RPS6KC1: variants seen among roughly 807,000 people sequenced by gnomAD.
RPS6KC1 encodes the protein ribosomal protein S6 kinase C1.
A neutral mutation model predicts 103.8 loss-of-function variants in RPS6KC1; 54 were observed. That is an observed-to-expected ratio of 0.52 (90% CI 0.42 to 0.65). The LOEUF (loss-of-function observed/expected upper bound fraction) is 0.65. RPS6KC1 is among the 30% of genes least tolerant of loss of function. The pLI, the probability that RPS6KC1 is intolerant of heterozygous loss-of-function variation, is 0.00. For synonymous variants in RPS6KC1, 439 were observed against 438.7 expected, an observed-to-expected ratio of 1.00 and a Z score of -0.01; for missense variants, 1,151 against 1,253.8, an observed-to-expected ratio of 0.92 and a Z score of 1.24.
the RPS6KC1 span, among the ~76,000 whole-genome samples, chr1:213,741,793 G>A: frequency 2.2e-4 from 33 of 152,252 alleles, no homozygotes; most frequent in East Asian, 3.9e-4. Context: ...TCTGAGGGTC[G>A]GGGTGGGAAG....
chr1:213,629,493 G>T, the RPS6KC1 span, among the ~76,000 whole-genome samples: 1 of 152,116 alleles, frequency 6.6e-6, no homozygotes, highest in Non-Finnish European at 1.5e-5. Context: ...ATGTGAGATG[G>T]GTTTCCTGAA....
At chr1:213,111,337 C>G (rs1277020170) in intron 4 of RPS6KC1, among the ~76,000 whole-genome samples, 2 of 152,050 alleles carry the variant, frequency 1.3e-5, no homozygotes, top group Non-Finnish European at 2.9e-5. Context: ...CCCAAAATTT[C>G]TATGAAATTT....
At chr1:213,418,679 G>T in the RPS6KC1 span, among the ~76,000 whole-genome samples, 3 of 152,306 alleles carry the variant, frequency 2.0e-5, no homozygotes, top group African/African-American at 4.8e-5. Flanking sequence ...TTCACACGCC[G>T]ATCTCCAGGG....
At chr1:213,704,408 A>C in the RPS6KC1 span, among the ~76,000 whole-genome samples, 5 of 151,140 alleles carry the variant, frequency 3.3e-5, no homozygotes, top group South Asian at 2.1e-4. Flanking sequence ...AAAAAAAAAA[A>C]AAAACTCTGA....
the RPS6KC1 span, among the ~76,000 whole-genome samples, chr1:213,853,387 G>A: frequency 6.6e-6 from 1 of 152,132 alleles, no homozygotes. Context: ...TAACCCCTTT[G>A]AGCCCCAAAT....
At chr1:213,566,321 T>A in the RPS6KC1 span, among the ~76,000 whole-genome samples, 5 of 152,032 alleles carry the variant, frequency 3.3e-5, no homozygotes, top group African/African-American at 1.2e-4. Context: ...ATTGAACATC[T>A]TTTCTTTGCT....
chr1:213,666,776 T>C, the RPS6KC1 span, among the ~76,000 whole-genome samples: 1 of 152,236 alleles, frequency 6.6e-6, no homozygotes, highest in Non-Finnish European at 1.5e-5. Context: ...TAAGCTGTCC[T>C]CTTAAGCTCA....
chr1:213,374,466 G>C, the RPS6KC1 span, among the ~76,000 whole-genome samples: 1 of 151,966 alleles, frequency 6.6e-6, no homozygotes, highest in East Asian at 1.9e-4. Context: ...AATTGAGGGG[G>C]ATTCATTAGG....
chr1:213,841,894 G>C, the RPS6KC1 span, among the ~76,000 whole-genome samples: 1 of 152,172 alleles, frequency 6.6e-6, no homozygotes, highest in East Asian at 1.9e-4. Context: ...CCTGGCCTCA[G>C]TCTGTCCTTC....
the RPS6KC1 span, among the ~76,000 whole-genome samples, chr1:213,604,442 G>T: frequency 6.6e-6 from 1 of 152,208 alleles, no homozygotes; most frequent in African/African-American, 2.4e-5. Context: ...TCAATAAACT[G>T]CACCCTCTCA....
At chr1:213,368,994 A>G in the RPS6KC1 span, among the ~76,000 whole-genome samples, 1 of 151,768 alleles carries the variant, frequency 6.6e-6, no homozygotes, top group African/African-American at 2.4e-5. Context: ...TATCTTCCAC[A>G]GTTGCGTACT....
chr1:213,125,414 G>T (rs1243590407), intron 5 of RPS6KC1, among the ~76,000 whole-genome samples: 1 of 151,934 alleles, frequency 6.6e-6, no homozygotes, highest in Non-Finnish European at 1.5e-5. Flanking sequence ...ACTAATTTTT[G>T]TGATGGACAG....
the RPS6KC1 span, among the ~76,000 whole-genome samples, chr1:213,573,268 G>A: frequency 2.0e-5 from 3 of 152,142 alleles, no homozygotes; most frequent in African/African-American, 7.2e-5. Context: ...ATAGTTCCAG[G>A]GCTTATAGAC....
the RPS6KC1 span, among the ~76,000 whole-genome samples, chr1:213,372,475 G>T: frequency 6.6e-6 from 1 of 152,200 alleles, no homozygotes; most frequent in African/African-American, 2.4e-5. Context: ...ATCCTGTCGA[G>T]GGGGAGCAGG....
the RPS6KC1 span, among the ~76,000 whole-genome samples, chr1:213,355,044 C>A: frequency 1.3e-5 from 2 of 152,080 alleles, no homozygotes; most frequent in Admixed American, 6.5e-5. Context: ...ATGGTGAAAC[C>A]CTGCCTCTAC....
At chr1:213,176,530 A>T in intron 8 of RPS6KC1, 38 bp downstream of exon 8, 2 of 1,296,320 alleles carry the variant, frequency 1.5e-6, no homozygotes, top group Non-Finnish European at 2.2e-6. Flanking sequence ...TCAGTCATAA[A>T]TCGACTGCAT....
chr1:213,849,344 C>A, the RPS6KC1 span, among the ~76,000 whole-genome samples: 138 of 152,238 alleles, frequency 9.1e-4, no homozygotes, highest in African/African-American at 2.9e-3. Flanking sequence ...GCCTGGCAAT[C>A]CATGTAGGCT....
chr1:213,602,056 C>CTCTTTCTTTCTTTCTTTCTCTT, the RPS6KC1 span, among the ~76,000 whole-genome samples: 3 of 56,376 alleles, frequency 5.3e-5, 1 homozygote, highest in Non-Finnish European at 9.5e-5. Context: ...TTCTTTCTTT[C>CTCTTTCTTTCTTTCTTTCTCTT]TCTTTCTTTC....
chr1:213,701,786 A>G, the RPS6KC1 span, among the ~76,000 whole-genome samples: 1 of 151,912 alleles, frequency 6.6e-6, no homozygotes, highest in Non-Finnish European at 1.5e-5. Flanking sequence ...GGATTTATTT[A>G]TTAGAGTCTT....
Sources: gnomAD v4.1 joint callset for allele counts (sites outside exome capture counted in the v4.1 genomes callset) on GRCh38, gnomAD v4.1.1 for gene constraint, MANE v1.5 for transcripts, NCBI Gene and HGNC (gene_info 2026-07-23, HGNC 2026-07-21) for gene names.